Variants in MUSK observed in about 807,000 individuals in gnomAD.
The protein encoded by MUSK is muscle associated receptor tyrosine kinase, also known as muscle, skeletal receptor tyrosine-protein kinase.
MUSK carries 55 observed loss-of-function variants against 88.7 expected under a neutral mutation model. The observed-to-expected ratio is 0.62, with a 90% CI of 0.50 to 0.78. The LOEUF (loss-of-function observed/expected upper bound fraction) is 0.78. Ranked by LOEUF, MUSK falls within the 30% of genes least tolerant of loss-of-function variation. MUSK has a pLI of 0.00. For missense variants in MUSK, 1,015 were observed against 1,074.3 expected (o/e 0.94, Z 0.77); for synonymous variants, 387 against 391.9 (o/e 0.99, Z 0.15).
chr9:110,779,876 ACTTTT>A (rs2077724770), intron 11 of MUSK, among the ~76,000 whole-genome samples: 1 of 152,112 alleles, frequency 6.6e-6, no homozygotes. Flanking sequence ...GATCCAAGAC[ACTTTT>A]CTTTTTATAT....
chr9:110,713,355 G>A (rs527384364), intron 5 of MUSK, among the ~76,000 whole-genome samples: 4 of 151,190 alleles, frequency 2.6e-5, no homozygotes, highest in Admixed American at 1.3e-4. Context: ...CGCCTCCCAG[G>A]TTCAAGCGAT....
intron 5 of MUSK, among the ~76,000 whole-genome samples, chr9:110,718,900 A>G (rs1363623614): frequency 1.3e-5 from 2 of 152,118 alleles, no homozygotes; most frequent in African/African-American, 4.8e-5. Flanking sequence ...CAGAAACCCT[A>G]CAAGCTAGAA....
Position 110,741,956 on chromosome 9 carries a change from G to A in MUSK, c.754-5685G>A, listed in dbSNP as rs571909824. Among the ~76,000 whole-genome samples, 126 of 152,152 alleles carry A rather than the reference G, an allele frequency of 8.3e-4. 5 individuals carry two copies. The South Asian group carries it at 0.025, about 30-fold the overall frequency. On this transcript the variant is annotated intron_variant, in intron 6 of 14. Transcript: ENST00000374448. ...GTGGCTGTCAAAGATGATCTCTAAT[G>A]GTATAATTAGAGACATCAGGGCTAA...
rs911278712 is a variant in MUSK at position 110,717,638 on chromosome 9, G to T, written c.629-16613G>T. Among the ~76,000 whole-genome samples, 4 of 149,646 alleles carry T rather than the reference G, an allele frequency of 2.7e-5. 1 individual carries two copies. Among genetic ancestry groups the T allele is most frequent in the African/African-American group, 1.0e-4 (4 of 39,440 alleles). On this transcript the variant is annotated intron_variant, in intron 5 of 14. Coordinates refer to ENST00000374448, the MANE Select transcript of MUSK (RefSeq NM_005592.4). ...TATTATTCATTAGTTCATTCAATTA[G>T]ATCTGTGAGCAGATATCTTTGTCTT...
In MUSK at chr9:110,803,966, C is replaced by A. The variant is rs544704066; in HGVS notation, c.*2978C>A. On this transcript the variant is annotated 3_prime_UTR_variant, in exon 15 of 15. Coordinates refer to ENST00000374448, the MANE Select transcript of MUSK (RefSeq NM_005592.4). ...AGCAGTCATTTTTAGTGATCAAATA[C>A]CAAACATGGTAAGATACCAGAGTAT... Among the ~76,000 whole-genome samples the A allele has an allele frequency of 2.0e-5, 3 of 152,028 alleles. No homozygotes were observed. In the East Asian group the frequency reaches 5.8e-4, roughly 29 times the overall value.
At position 110,755,951 on chromosome 9, in the gene MUSK, C is replaced by CATATATATATAT. The variant is rs1564268679; in HGVS notation, c.914-6250_914-6249insTATATATATATA. Among the ~76,000 whole-genome samples, 143 of 101,784 alleles carry CATATATATATAT rather than the reference C, an allele frequency of 1.4e-3. 3 individuals are homozygous for CATATATATATAT. The highest frequency in any genetic ancestry group is 5.9e-3 in the African/African-American group (139 of 23,556). 66.8% of individuals were successfully genotyped at this position (101,784 alleles called of 152,430 possible). A position where few individuals can be genotyped will look rare whatever the true frequency, so the allele number is the denominator to read the frequency against. The stretch of plus-strand genomic sequence containing the variant: ...ATATATACATATATATATATATATA[C>CATATATATATAT]ACATATATATATACATATATATATA... On this transcript the variant is annotated intron_variant, in intron 7 of 14. Transcript: ENST00000374448.
chr9:110,682,741 T>G lies in MUSK; in HGVS notation c.147T>G (p.Cys49Trp). The change falls in exon 2 of 15, where the codon TGT becomes TGG. Residue 49 changes from cysteine to tryptophan, a missense_variant. Physicochemically the swap from Cys to Trp is radical, Grantham distance 215 (BLOSUM62 -2). Transcript: ENST00000374448. ...TTGAAGAAGTGGCTACTTTCATGTG[T>G]GCAGTGGAATCCTACCCCCAGCCTG... Reference protein sequence around the residue: ...ALVEEVATFMCAVESYPQPEI... With the variant: ...ALVEEVATFMWAVESYPQPEI... 6.2e-7 allele frequency: 1 copy of G among 1,612,924 alleles called. No homozygotes were observed. The highest frequency in any genetic ancestry group is 8.5e-7 in the Non-Finnish European group (1 of 1,179,082).
At chr9:110,754,557 A>G (rs1310014053) in intron 7 of MUSK, among the ~76,000 whole-genome samples, 3 of 152,184 alleles carry the variant, frequency 2.0e-5, no homozygotes, top group Admixed American at 6.5e-5. Context: ...CCCAGGTACT[A>G]TGGCTGGATT....
chr9:110,765,671 T>C (rs2155470), intron 8 of MUSK, among the ~76,000 whole-genome samples: 47,720 of 151,746 alleles, frequency 0.31, 7,840 homozygotes, highest in East Asian at 0.57. Flanking sequence ...CCCCCCAGAT[T>C]CAAGTGATTC....
intron 1 of MUSK, 38 bp downstream of exon 1, chr9:110,669,021 A>T: frequency 6.4e-7 from 1 of 1,550,986 alleles, no homozygotes; most frequent in East Asian, 2.2e-5. Flanking sequence ...TTGTCTTGTC[A>T]TGGTTGTAAA....
intron 11 of MUSK, among the ~76,000 whole-genome samples, chr9:110,779,058 C>CTGTGTGTGTGTGTGTG (rs10680441): frequency 2.0e-5 from 3 of 149,616 alleles, no homozygotes; most frequent in African/African-American, 7.4e-5. Context: ...GTCAGTGTCT[C>CTGTGTGTGTGTGTGTG]TGTGTGTGTG....
intron 3 of MUSK, among the ~76,000 whole-genome samples, chr9:110,692,564 A>ATT (rs1172147034): frequency 6.6e-6 from 1 of 151,492 alleles, no homozygotes; most frequent in African/African-American, 2.4e-5. Flanking sequence ...ATGACTTCAA[A>ATT]TTTTTCTTCT....
intron 3 of MUSK, among the ~76,000 whole-genome samples, chr9:110,688,822 C>A (rs951698853): frequency 7.3e-5 from 11 of 151,460 alleles, no homozygotes; most frequent in Admixed American, 2.6e-4. Context: ...CTGTAGTATT[C>A]CATGGTGTTT....
chr9:110,798,505 A>G (rs2078046404), intron 14 of MUSK, among the ~76,000 whole-genome samples: 2 of 152,214 alleles, frequency 1.3e-5, no homozygotes, highest in African/African-American at 2.4e-5. Context: ...ATGTCATGCT[A>G]AAGTTTAAAG....
intron 1 of MUSK, among the ~76,000 whole-genome samples, chr9:110,669,797 T>G (rs931733000): frequency 1.3e-4 from 20 of 152,196 alleles, no homozygotes; most frequent in African/African-American, 4.8e-4. Flanking sequence ...ACTGAAATCT[T>G]TTTTTAAAAA....
At chr9:110,696,274 T>G (rs961221761) in intron 4 of MUSK, among the ~76,000 whole-genome samples, 1 of 145,794 alleles carries the variant, frequency 6.9e-6, no homozygotes, top group African/African-American at 2.5e-5. Context: ...TGAGACTCCA[T>G]CTCAAAAAAA....
chr9:110,704,275 G>A (rs1350404821), intron 5 of MUSK, among the ~76,000 whole-genome samples: 1 of 152,176 alleles, frequency 6.6e-6, no homozygotes, highest in East Asian at 1.9e-4. Context: ...AATATGTGAT[G>A]TAATTCCATG....
intron 5 of MUSK, among the ~76,000 whole-genome samples, chr9:110,720,857 A>G (rs1176967440): frequency 6.6e-6 from 1 of 152,166 alleles, no homozygotes; most frequent in Non-Finnish European, 1.5e-5. Context: ...GTACTAGTGA[A>G]CTGAATCCAA....
At chr9:110,679,539 G>C (rs943707456) in intron 1 of MUSK, among the ~76,000 whole-genome samples, 1 of 151,920 alleles carries the variant, frequency 6.6e-6, no homozygotes. Context: ...GGCACTTACT[G>C]TGATTTCTGG....
Sources: allele counts gnomAD v4.1 joint callset (sites outside exome capture counted in the v4.1 genomes callset), GRCh38; gene constraint gnomAD v4.1.1; transcripts MANE v1.5; gene names NCBI Gene and HGNC (gene_info 2026-07-23, HGNC 2026-07-21).